The following CUX2 variants were observed in gnomAD, a reference collection of about 807,000 sequenced individuals.
CUX2 encodes the protein cut like homeobox 2.
A neutral mutation model predicts 144.8 loss-of-function variants in CUX2; 40 were observed. The observed-to-expected ratio is 0.28, with a 90% CI of 0.21 to 0.36. The LOEUF is 0.36. CUX2 is among the 10% of genes least tolerant of loss of function. The pLI, the probability that CUX2 is intolerant of heterozygous loss-of-function variation, is 1.00. For synonymous variants in CUX2, 827 were observed against 875.6 expected (o/e 0.94, Z 0.98); for missense variants, 1,615 against 1,994.0 (o/e 0.81, Z 3.62).
Position 111,322,344 on chromosome 12 carries a change from A to AAAAAAAAT in CUX2, c.2767-77_2767-76insAAAAAAAT. 4.8e-6 allele frequency: 5 copies of AAAAAAAAT among 1,050,838 alleles called. No homozygotes were observed. Among genetic ancestry groups the AAAAAAAAT allele is most frequent in the Non-Finnish European group, 6.4e-6 (5 of 780,104 alleles). The allele number at this position is 1,050,838 out of a possible 1,614,324, so 65.1% of individuals were successfully genotyped here. On this transcript the variant is annotated intron_variant, in intron 17 of 21. Coordinates refer to ENST00000261726, the MANE Select transcript of CUX2 (RefSeq NM_015267.4). This position sits in a 1 kb window ranked among gnomAD's most constrained non-coding sequence, Gnocchi z 4.2. ...CTCAAAAAAAAAAAAAAAAAAAAAA[A>AAAAAAAAT]GGTTGGGGAGGAGAGTGAGGGCCAG...
intron 1 of CUX2, chr12:111,099,790 C>G: frequency 1.6e-5 from 7 of 426,426 alleles, no homozygotes; most frequent in South Asian, 1.2e-4. Flanking sequence ...CAGTGCCCAT[C>G]ATTCAGAGTG....
intron 1 of CUX2, among the ~76,000 whole-genome samples, chr12:111,161,705 T>TA (rs2136151879): frequency 1.3e-5 from 2 of 152,320 alleles, no homozygotes; most frequent in East Asian, 3.9e-4. Context: ...TCTCACACTC[T>TA]ATGCTGAGTG....
chr12:111,058,614 C>T (rs1421722120), intron 1 of CUX2, among the ~76,000 whole-genome samples: 3 of 151,996 alleles, frequency 2.0e-5, no homozygotes, highest in African/African-American at 7.3e-5. Context: ...TCTCTCATCT[C>T]AGATACAGGA....
chr12:111,283,106 T>C (rs557626221), intron 4 of CUX2, among the ~76,000 whole-genome samples: 1 of 152,180 alleles, frequency 6.6e-6, no homozygotes, highest in East Asian at 1.9e-4. Flanking sequence ...TAATCTCATC[T>C]ACTCTGGAGG....
chr12:111,223,516 A>G (rs779167035), intron 3 of CUX2, among the ~76,000 whole-genome samples: 1 of 152,122 alleles, frequency 6.6e-6, no homozygotes, highest in Non-Finnish European at 1.5e-5. Flanking sequence ...GGTGGAGGTG[A>G]CACTGTGCCA....
rs78298042 is a variant in CUX2, at chr12:111,227,288, C to G, written c.222+9351C>G. ...GGGTGAGTGCAAATTCCTCATTCAT[C>G]TGGAGCCTGTGGCAGTGGAGAAGTG... On this transcript the variant is annotated intron_variant, in intron 3 of 21. Coordinates refer to ENST00000261726, the MANE Select transcript of CUX2 (RefSeq NM_015267.4). 4.6e-3 allele frequency among the ~76,000 whole-genome samples: 706 copies of G among 152,236 alleles called. 4 individuals are homozygous for G. The highest frequency in any genetic ancestry group is 0.016 in the African/African-American group (683 of 41,528).
intron 1 of CUX2, among the ~76,000 whole-genome samples, chr12:111,045,916 A>T (rs111593277): frequency 6.6e-6 from 1 of 152,188 alleles, no homozygotes; most frequent in African/African-American, 2.4e-5. Context: ...GACTAGTATT[A>T]CCTTTATTAT....
intron 1 of CUX2, among the ~76,000 whole-genome samples, chr12:111,166,983 C>A (rs1260797889): frequency 1.3e-5 from 2 of 152,162 alleles, no homozygotes; most frequent in African/African-American, 4.8e-5. Flanking sequence ...GCAACCTTGC[C>A]TGGGATAGCT....
At chr12:111,262,073 C>G (rs12305132) in intron 3 of CUX2, among the ~76,000 whole-genome samples, 197 of 152,264 alleles carry the variant, frequency 1.3e-3, no homozygotes, top group South Asian at 8.7e-3. Context: ...CAGCCTCCCC[C>G]CAATTTACAC....
intron 4 of CUX2, among the ~76,000 whole-genome samples, chr12:111,270,826 G>A (rs186628743): frequency 1.1e-4 from 16 of 152,178 alleles, no homozygotes; most frequent in Admixed American, 2.6e-4. Flanking sequence ...CTCTTGGGGG[G>A]GAGGCTGATC....
chr12:111,175,070 A>C (rs1045959427), intron 1 of CUX2, among the ~76,000 whole-genome samples: 6 of 152,188 alleles, frequency 3.9e-5, no homozygotes, highest in Non-Finnish European at 5.9e-5. Context: ...AGCATCTTAG[A>C]ATCAGTCTAT....
At chr12:111,183,215 A>G (rs571778189) in intron 1 of CUX2, among the ~76,000 whole-genome samples, 3 of 152,278 alleles carry the variant, frequency 2.0e-5, no homozygotes, top group Non-Finnish European at 4.4e-5. Flanking sequence ...GAATGAATGA[A>G]TGATATGTGA....
intron 1 of CUX2, among the ~76,000 whole-genome samples, chr12:111,040,895 C>T (rs1424444742): frequency 6.6e-6 from 1 of 152,222 alleles, no homozygotes; most frequent in South Asian, 2.1e-4. Context: ...CGGTTTTGGC[C>T]TGAGAGCTGT....
At position 111,322,242 on chromosome 12, in the gene CUX2, T is replaced by C. The variant is rs111310369; in HGVS notation, c.2767-179T>C. Among the ~76,000 whole-genome samples, 5,328 of 145,472 alleles carry C rather than the reference T, an allele frequency of 0.037. 144 individuals carry two copies. Among genetic ancestry groups the C allele is most frequent in the African/African-American group, 0.067 (2,630 of 39,022 alleles). On this transcript the variant is annotated intron_variant, in intron 17 of 21. Transcript: ENST00000261726. This position sits in a 1 kb window ranked among gnomAD's most constrained non-coding sequence, Gnocchi z 4.2. ...CTGAGGCAGGAGAATCATTTGAACC[T>C]GGGAGGCGGAGTTTGCAGTGAGCTG...
intron 3 of CUX2, among the ~76,000 whole-genome samples, chr12:111,258,177 C>T (rs1883932123): frequency 6.6e-6 from 1 of 152,158 alleles, no homozygotes; most frequent in East Asian, 1.9e-4. Context: ...CCAAGAGATG[C>T]TCATAGTGAC....
intron 1 of CUX2, among the ~76,000 whole-genome samples, chr12:111,174,786 T>C (rs1446052248): frequency 6.6e-6 from 1 of 152,014 alleles, no homozygotes; most frequent in Non-Finnish European, 1.5e-5. Flanking sequence ...CAACCACAAT[T>C]CTCTTTGGAG....
intron 1 of CUX2, among the ~76,000 whole-genome samples, chr12:111,127,678 T>G (rs1046745581): frequency 1.1e-4 from 17 of 152,310 alleles, no homozygotes; most frequent in African/African-American, 4.1e-4. Flanking sequence ...TAGTGGCTCT[T>G]TACAGGTGTA....
chr12:111,166,022 TTG>T (rs1878118767), intron 1 of CUX2, among the ~76,000 whole-genome samples: 1 of 152,062 alleles, frequency 6.6e-6, no homozygotes, highest in Non-Finnish European at 1.5e-5. Flanking sequence ...CTCTTTTTTG[TTG>T]TTGTTGTTTT....
chr12:111,300,043 C>G (rs142738879), intron 9 of CUX2, among the ~76,000 whole-genome samples: 1 of 152,218 alleles, frequency 6.6e-6, no homozygotes, highest in East Asian at 1.9e-4. Context: ...TGTGCCACCA[C>G]GCCGTGCTAA....
Sources: allele counts gnomAD v4.1 joint callset (sites outside exome capture counted in the v4.1 genomes callset), GRCh38; gene constraint gnomAD v4.1.1; non-coding constraint Gnocchi (gnomAD v3.1); transcripts MANE v1.5; gene names NCBI Gene and HGNC (gene_info 2026-07-23, HGNC 2026-07-21).